Variants in HSD17B14 observed in about 807,000 individuals in gnomAD.
The protein encoded by HSD17B14 is hydroxysteroid 17-beta dehydrogenase 14.
A neutral mutation model predicts 32.2 loss-of-function variants in HSD17B14; 32 were observed. The observed-to-expected ratio is 0.99, with a 90% CI of 0.75 to 1.33. HSD17B14 has a LOEUF of 1.33. Ranked by LOEUF, HSD17B14 falls within the 40% of genes most tolerant of loss-of-function variation. The probability of loss-of-function intolerance (pLI) is 0.00; values close to 1 mark genes in which losing one functional copy is unlikely to be tolerated. For synonymous variants in HSD17B14, 140 were observed against 155.4 expected (o/e 0.90, Z 0.74); for missense variants, 370 against 366.5 (o/e 1.01, Z -0.08).
chr19:48,831,677 G>A lies in HSD17B14; in HGVS notation c.360C>T (p.Thr120=), dbSNP rs763833418. Residue 120 remains threonine (T), a synonymous_variant, in exon 5 of 9, where the codon ACC becomes ACT. Transcript: ENST00000263278. ...LLELNLLGTY[T]LTKLALPYLR... The stretch of plus-strand genomic sequence containing the variant: ...GGTCGCCAGCCCTCACCTTGGTCAA[G>A]GTGTACGTCCCCAGTAGGTTCAGCT... 6.2e-7 allele frequency: 1 copy of A among 1,613,740 alleles called. No individual in the cohort carries two copies.
At chr19:48,818,996 T>G (rs2035102259) in intron 5 of HSD17B14, among the ~76,000 whole-genome samples, 1 of 152,094 alleles carries the variant, frequency 6.6e-6, no homozygotes, top group South Asian at 2.1e-4. Context: ...TTTTTTTGTT[T>G]GTTTGTTTCA....
At chr19:48,822,783 G>A (rs1482329352) in intron 5 of HSD17B14, among the ~76,000 whole-genome samples, 1 of 151,516 alleles carries the variant, frequency 6.6e-6, no homozygotes, top group African/African-American at 2.4e-5. Flanking sequence ...GATGATGGTG[G>A]TAATGATGGT....
At chr19:48,834,637 GGAGCCT>G in intron 2 of HSD17B14, among the ~76,000 whole-genome samples, 1 of 57,836 alleles carries the variant, frequency 1.7e-5, no homozygotes, top group East Asian at 4.5e-4. Flanking sequence ...GGAAGGGCTG[GGAGCCT>G]GGACTCCTGG....
chr19:48,829,145 C>A (rs915500647), intron 5 of HSD17B14, among the ~76,000 whole-genome samples: 7 of 152,142 alleles, frequency 4.6e-5, no homozygotes, highest in Admixed American at 4.6e-4. Context: ...GCTCTCCTTT[C>A]TCAGATAAAA....
At chr19:48,814,943 A>T (rs904031248) in intron 6 of HSD17B14, 94 bp downstream of exon 6, 13 of 883,534 alleles carry the variant, frequency 1.5e-5, no homozygotes, top group Non-Finnish European at 2.4e-5. Context: ...TAGGGCCAAG[A>T]TCTTGCTAGG....
chr19:48,834,826 C>T (rs563371206), intron 2 of HSD17B14, among the ~76,000 whole-genome samples: 27 of 66,676 alleles, frequency 4.0e-4, no homozygotes, highest in African/African-American at 7.4e-4. Flanking sequence ...GGGCTGGGGG[C>T]CTGGACTCCT....
chr19:48,832,452 C>T (rs1034485790), intron 4 of HSD17B14, among the ~76,000 whole-genome samples: 1 of 151,976 alleles, frequency 6.6e-6, no homozygotes, highest in Non-Finnish European at 1.5e-5. Context: ...CAAGTGAGGG[C>T]ACAGCCCTGG....
chr19:48,829,769 G>A (rs2035307296), intron 5 of HSD17B14, among the ~76,000 whole-genome samples: 1 of 149,464 alleles, frequency 6.7e-6, no homozygotes, highest in Admixed American at 6.8e-5. Flanking sequence ...TCAGCCTCCT[G>A]AGTAGCTGGG....
Position 48,813,691 on chromosome 19 carries a change from C to G in HSD17B14, c.514G>C (p.Glu172Gln). 1 of 1,614,222 alleles carries G rather than the reference C, an allele frequency of 6.2e-7. No homozygotes were observed. The highest frequency in any genetic ancestry group is 8.5e-7 in the Non-Finnish European group (1 of 1,180,030). Residue 172 changes from glutamate to glutamine, a missense_variant, in exon 7 of 9, where the codon GAA becomes CAA. By Grantham distance (29) the Glu-to-Gln change is conservative. Coordinates refer to ENST00000263278, the MANE Select transcript of HSD17B14 (RefSeq NM_016246.3). Reference protein sequence around the residue: ...TAMTKALALDESPYGVRVNCI... With the variant: ...TAMTKALALDQSPYGVRVNCI... ...TTGACTCGGACACCATATGGACTTT[C>G]ATCCAGGGCCAAAGCTTTGGTCATG...
chr19:48,833,684 G>A (rs1399778535), intron 3 of HSD17B14, among the ~76,000 whole-genome samples: 1 of 152,156 alleles, frequency 6.6e-6, no homozygotes, highest in East Asian at 1.9e-4. Flanking sequence ...AAATTAGCCA[G>A]GTGTGGTGGC....
At chr19:48,823,270 C>CGTG (rs1434820591) in intron 5 of HSD17B14, among the ~76,000 whole-genome samples, 1 of 151,964 alleles carries the variant, frequency 6.6e-6, no homozygotes, top group Non-Finnish European at 1.5e-5. Context: ...ATTGGCTGGG[C>CGTG]GTGGTGGTGC....
At chr19:48,826,391 G>A (rs1267148255) in intron 5 of HSD17B14, among the ~76,000 whole-genome samples, 3 of 148,508 alleles carry the variant, frequency 2.0e-5, no homozygotes, top group Non-Finnish European at 4.5e-5. Flanking sequence ...GTCCTCGGGA[G>A]GCTGAGGCAG....
chr19:48,816,111 A>G (rs2035047022), intron 5 of HSD17B14, among the ~76,000 whole-genome samples: 1 of 151,824 alleles, frequency 6.6e-6, no homozygotes, highest in Non-Finnish European at 1.5e-5. Flanking sequence ...GAAGTCCCTA[A>G]ATACTCTCTC....
At chr19:48,835,920 TG>T in intron 1 of HSD17B14, 77 bp from the exon 2 acceptor site, 2 of 1,361,752 alleles carry the variant, frequency 1.5e-6, no homozygotes, top group Non-Finnish European at 1.0e-6. Context: ...CCACCTGGAT[TG>T]GGGCTGATCT....
At chr19:48,827,870 T>G (rs1336081106) in intron 5 of HSD17B14, among the ~76,000 whole-genome samples, 4 of 148,882 alleles carry the variant, frequency 2.7e-5, no homozygotes, top group Non-Finnish European at 5.9e-5. Context: ...TTTTTTTTTT[T>G]TTGAGACGGA....
intron 1 of HSD17B14, among the ~76,000 whole-genome samples, 156 bp from the exon 2 acceptor site, chr19:48,835,999 C>T (rs1436780593): frequency 2.6e-5 from 4 of 152,120 alleles, no homozygotes; most frequent in Non-Finnish European, 5.9e-5. Flanking sequence ...TTGACACATA[C>T]TCTCCTTGCC....
At chr19:48,820,703 T>C (rs2035131820) in intron 5 of HSD17B14, among the ~76,000 whole-genome samples, 1 of 151,142 alleles carries the variant, frequency 6.6e-6, no homozygotes, top group African/African-American at 2.4e-5. Flanking sequence ...TATAATTTTT[T>C]AGTATAGACA....
intron 5 of HSD17B14, among the ~76,000 whole-genome samples, chr19:48,817,616 T>A (rs2035078808): frequency 6.6e-6 from 1 of 152,208 alleles, no homozygotes; most frequent in Admixed American, 6.5e-5. Context: ...TCATGTTCTG[T>A]CTCTCCCACC....
chr19:48,832,600 C>T (rs1260348608), intron 4 of HSD17B14, 66 bp downstream of exon 4: 4 of 1,395,002 alleles, frequency 2.9e-6, no homozygotes, highest in Non-Finnish European at 4.0e-6. Context: ...AGTGGGGAAA[C>T]TGACGTGCAG....
Sources: allele counts gnomAD v4.1 joint callset (sites outside exome capture counted in the v4.1 genomes callset), GRCh38; gene constraint gnomAD v4.1.1; transcripts MANE v1.5; gene names NCBI Gene and HGNC (gene_info 2026-07-23, HGNC 2026-07-21).